BACH2: variants seen among roughly 807,000 people sequenced by gnomAD.
The protein encoded by BACH2 is transcription regulator protein BACH2.
Under a neutral mutation model 61.8 loss-of-function variants are expected in BACH2, and 5 were observed. That is an observed-to-expected ratio of 0.08 (90% CI 0.04 to 0.17). The LOEUF (loss-of-function observed/expected upper bound fraction) is 0.17, where lower values mean the gene tolerates loss of function less well. BACH2 is among the 10% of genes least tolerant of loss of function. The pLI, the probability that BACH2 is intolerant of heterozygous loss-of-function variation, is 1.00. For missense variants in BACH2, 824 were observed against 1,091.1 expected, an observed-to-expected ratio of 0.76 and a Z score of 3.45; for synonymous variants, 446 against 440.1, an observed-to-expected ratio of 1.01 and a Z score of -0.17.
At chr6:90,161,604 T>G (rs1036389640) in intron 4 of BACH2, among the ~76,000 whole-genome samples, 1 of 152,206 alleles carries the variant, frequency 6.6e-6, no homozygotes, top group African/African-American at 2.4e-5. Flanking sequence ...AGCAACTGAT[T>G]AGAAAGTCAT....
At chr6:90,263,100 G>C (rs181497239) in intron 2 of BACH2, among the ~76,000 whole-genome samples, 14 of 152,282 alleles carry the variant, frequency 9.2e-5, no homozygotes, top group Admixed American at 9.2e-4. Flanking sequence ...AAAGAAAAAG[G>C]AAATAAAAGA....
At chr6:90,210,047 T>C (rs1385121177) in intron 3 of BACH2, among the ~76,000 whole-genome samples, 2 of 152,116 alleles carry the variant, frequency 1.3e-5, no homozygotes, top group Non-Finnish European at 2.9e-5. Context: ...TTAAAAAATA[T>C]TAAGAATGTC....
chr6:90,081,643 T>C (rs1054704705), intron 5 of BACH2, among the ~76,000 whole-genome samples: 1 of 152,006 alleles, frequency 6.6e-6, no homozygotes, highest in Non-Finnish European at 1.5e-5. Context: ...AACTTAAGAA[T>C]CCTTTACACG....
chr6:90,245,410 G>C (rs1024925021), intron 3 of BACH2, among the ~76,000 whole-genome samples: 1 of 152,118 alleles, frequency 6.6e-6, no homozygotes, highest in African/African-American at 2.4e-5. Context: ...GGGCAACATA[G>C]AGAGACTCTG....
intron 4 of BACH2, among the ~76,000 whole-genome samples, chr6:90,092,657 G>A (rs1170818125): frequency 6.6e-6 from 1 of 151,960 alleles, no homozygotes; most frequent in Non-Finnish European, 1.5e-5. Flanking sequence ...ACAACTTTGT[G>A]AGGCATAAAG....
At chr6:90,092,292 AT>A (rs143071026) in intron 4 of BACH2, among the ~76,000 whole-genome samples, 44,067 of 98,476 alleles carry the variant, frequency 0.45, 9,368 homozygotes, top group Middle Eastern at 0.59. Flanking sequence ...AAAAAAAAAA[AT>A]ATATATATAT....
rs77107503 is a variant in BACH2 at position 90,083,558 on chromosome 6, G to A, written c.-13+5403C>T. Among the ~76,000 whole-genome samples, 887 of 152,168 alleles carry A rather than the reference G, an allele frequency of 5.8e-3. 49 individuals are homozygous for A. In the East Asian group the frequency reaches 0.13, roughly 23 times the overall value. ...ACAGAATTGGCTTCAAAAGTATGCC[G>A]TTGGTTCCCAATGACTATAGGAGCT... On this transcript the variant is annotated intron_variant, in intron 5 of 8. Coordinates refer to ENST00000257749, the MANE Select transcript of BACH2 (RefSeq NM_021813.4).
At chr6:90,144,049 A>G (rs939644860) in intron 4 of BACH2, among the ~76,000 whole-genome samples, 1 of 152,210 alleles carries the variant, frequency 6.6e-6, no homozygotes, top group Non-Finnish European at 1.5e-5. Context: ...AGCACTTAAT[A>G]AGTATTCGTT....
At chr6:90,133,707 A>G (rs905914813) in intron 4 of BACH2, among the ~76,000 whole-genome samples, 2 of 152,044 alleles carry the variant, frequency 1.3e-5, no homozygotes, top group Non-Finnish European at 2.9e-5. Context: ...ACACCCCACA[A>G]CAGGCCCCAG....
Position 90,230,076 on chromosome 6 carries a change from A to G in BACH2, c.-275+22437T>C, listed in dbSNP as rs538002553. 2.0e-5 allele frequency among the ~76,000 whole-genome samples: 3 copies of G among 152,286 alleles called. 1 individual carries two copies. In the East Asian group the frequency reaches 5.8e-4, roughly 29 times the overall value. On this transcript the variant is annotated intron_variant, in intron 3 of 8. Transcript: ENST00000257749. ...GGGGCCCCAAGATCCTTATATTTCTAAAGTTCCCCAGGTGTGGTTATGTCA... is the reference window on the plus strand; with the variant it reads ...GGGGCCCCAAGATCCTTATATTTCTGAAGTTCCCCAGGTGTGGTTATGTCA...
intron 5 of BACH2, among the ~76,000 whole-genome samples, chr6:90,082,094 T>A (rs1781749691): frequency 6.6e-6 from 1 of 152,182 alleles, no homozygotes; most frequent in Admixed American, 6.5e-5. Flanking sequence ...AATTATAAAA[T>A]CAGAATTTGA....
At chr6:90,179,846 T>A (rs937759319) in intron 4 of BACH2, among the ~76,000 whole-genome samples, 19 of 152,308 alleles carry the variant, frequency 1.2e-4, no homozygotes, top group African/African-American at 4.1e-4. Flanking sequence ...TAGCACTGTA[T>A]CTAAGAACAA....
chr6:90,262,097 C>T (rs749102834), intron 2 of BACH2, among the ~76,000 whole-genome samples: 16 of 152,192 alleles, frequency 1.1e-4, no homozygotes, highest in Non-Finnish European at 1.9e-4. Flanking sequence ...AGGATGAAGG[C>T]CAGCCTCCTT....
At chr6:90,083,412 T>C (rs1781803199) in intron 5 of BACH2, among the ~76,000 whole-genome samples, 1 of 152,180 alleles carries the variant, frequency 6.6e-6, no homozygotes. Flanking sequence ...CACTCCTCTC[T>C]GTACCATTAG....
At chr6:89,992,434 A>G (rs1231150771) in intron 6 of BACH2, among the ~76,000 whole-genome samples, 1 of 152,186 alleles carries the variant, frequency 6.6e-6, no homozygotes, top group Non-Finnish European at 1.5e-5. Flanking sequence ...TGAGGTCAGG[A>G]GTTTGAGACC....
At chr6:89,959,639 T>C (rs958287538) in intron 6 of BACH2, among the ~76,000 whole-genome samples, 7 of 152,206 alleles carry the variant, frequency 4.6e-5, no homozygotes, top group Admixed American at 4.6e-4. Context: ...TTAATACAAC[T>C]TAACTACCTT....
intron 5 of BACH2, among the ~76,000 whole-genome samples, chr6:90,040,409 T>C (rs1213908455): frequency 6.6e-6 from 1 of 152,176 alleles, no homozygotes; most frequent in Non-Finnish European, 1.5e-5. Context: ...CTGGACTCTA[T>C]AAGGTGCCAC....
At chr6:90,045,013 T>A (rs1323030544) in intron 5 of BACH2, among the ~76,000 whole-genome samples, 1 of 152,192 alleles carries the variant, frequency 6.6e-6, no homozygotes, top group Non-Finnish European at 1.5e-5. Context: ...CAAGACTGGA[T>A]GAGATCACCA....
chr6:90,295,487 C>G (rs979472227), intron 1 of BACH2, among the ~76,000 whole-genome samples: 1 of 152,070 alleles, frequency 6.6e-6, no homozygotes, highest in Admixed American at 6.5e-5. Flanking sequence ...AGCCCGTGAG[C>G]GCCGCCCGCC....
Sources: allele counts gnomAD v4.1 joint callset (sites outside exome capture counted in the v4.1 genomes callset), GRCh38; gene constraint gnomAD v4.1.1; transcripts MANE v1.5; gene names NCBI Gene and HGNC (gene_info 2026-07-23, HGNC 2026-07-21).